Variants in ZNF670 observed in about 807,000 individuals in gnomAD.
ZNF670 encodes zinc finger protein 670.
A neutral mutation model predicts 10.9 loss-of-function variants in ZNF670; 7 were observed. The observed-to-expected ratio is 0.64, with a 90% CI of 0.36 to 1.20. The LOEUF (loss-of-function observed/expected upper bound fraction) is 1.20, where lower values mean the gene tolerates loss of function less well. Ranked by LOEUF, ZNF670 falls within the 50% of genes most tolerant of loss-of-function variation. The pLI is 0.02. For synonymous variants in ZNF670, 136 were observed against 152.7 expected, an observed-to-expected ratio of 0.89 and a Z score of 0.81; for missense variants, 446 against 458.6, an observed-to-expected ratio of 0.97 and a Z score of 0.25.
In ZNF670 at chr1:247,035,603, T is replaced by C. The variant is rs1279102312; in HGVS notation, c.*1846A>G. On this transcript the variant is annotated 3_prime_UTR_variant, in exon 4 of 4. Transcript: ENST00000366503. Reference sequence around the variant, plus strand: ...CTAATTACACATAATATAAACTAGTTATGCATAATTCATAGTAACTTACAA... The same window carrying C: ...CTAATTACACATAATATAAACTAGTCATGCATAATTCATAGTAACTTACAA... 6.6e-6 allele frequency among the ~76,000 whole-genome samples: 1 copy of C among 152,202 alleles called. No individual in the cohort carries two copies. Among genetic ancestry groups the C allele is most frequent in the Non-Finnish European group, 1.5e-5 (1 of 68,038 alleles).
At chr1:247,056,012 T>C (rs1670706406) in intron 1 of ZNF670, among the ~76,000 whole-genome samples, 1 of 151,160 alleles carries the variant, frequency 6.6e-6, no homozygotes, top group African/African-American at 2.4e-5. Flanking sequence ...AGCACTCAGA[T>C]ATATAAAGCA....
chr1:247,054,508 A>G (rs1670672504), intron 1 of ZNF670, among the ~76,000 whole-genome samples: 1 of 152,220 alleles, frequency 6.6e-6, no homozygotes. Context: ...TGAGGCCCAC[A>G]TTTTAGGCCC....
At chr1:247,070,773 G>C (rs183334130) in intron 1 of ZNF670, among the ~76,000 whole-genome samples, 1 of 152,024 alleles carries the variant, frequency 6.6e-6, no homozygotes, top group Non-Finnish European at 1.5e-5. Context: ...TAAGAAACTT[G>C]AACTAATCAA....
chr1:247,038,854 G>T lies in ZNF670; in HGVS notation c.147C>A (p.Asp49Glu). ...TTTTGAAGTCATCTTGGATATTCTGGTCTTCTGATTTGTTTCCTAAAAGGT... is the reference window on the plus strand; with the variant it reads ...TTTTGAAGTCATCTTGGATATTCTGTTCTTCTGATTTGTTTCCTAAAAGGT... ...NLASVGNKSE[D>E]QNIQDDFKNP... Residue 49 changes from aspartate to glutamate, a missense_variant, in exon 3 of 4, where the codon GAC becomes GAA. By Grantham distance (45) the Asp-to-Glu change is conservative. Transcript: ENST00000366503. 1.9e-6 allele frequency: 3 copies of T among 1,612,026 alleles called. No individual in the cohort carries two copies. The highest frequency in any genetic ancestry group is 2.5e-6 in the Non-Finnish European group (3 of 1,179,004).
chr1:247,042,661 G>C (rs970992976), intron 1 of ZNF670: 1 of 272,358 alleles, frequency 3.7e-6, no homozygotes, highest in Non-Finnish European at 7.0e-6. Context: ...GTAGAAGAAA[G>C]TAAGTTTAGG....
chr1:247,042,460 T>C (rs1670337534), intron 1 of ZNF670, among the ~76,000 whole-genome samples: 1 of 152,214 alleles, frequency 6.6e-6, no homozygotes, highest in African/African-American at 2.4e-5. Context: ...GGTCAGGCCT[T>C]TCAAGGTGGT....
chr1:247,078,625 C>G lies in ZNF670; in HGVS notation c.-29G>C. The G allele has an allele frequency of 6.2e-7, 1 of 1,613,122 alleles. No individual in the cohort carries two copies. Among genetic ancestry groups the G allele is most frequent in the Middle Eastern group, 1.6e-4 (1 of 6,062 alleles). On this transcript the variant is annotated 5_prime_UTR_variant, in exon 1 of 4. Transcript: ENST00000366503. ...CCAGTCTCCGGTGTCTGGGGTCCTC[C>G]CTAAGGACCTTCCGGGACCTGCAGG...
intron 1 of ZNF670, among the ~76,000 whole-genome samples, chr1:247,066,280 T>C (rs1388062878): frequency 1.3e-5 from 2 of 152,032 alleles, no homozygotes; most frequent in Non-Finnish European, 2.9e-5. Flanking sequence ...CCAGGACTCA[T>C]TTCTGGCCCT....
intron 1 of ZNF670, among the ~76,000 whole-genome samples, chr1:247,069,795 A>G (rs1463926889): frequency 6.6e-6 from 1 of 152,214 alleles, no homozygotes; most frequent in Non-Finnish European, 1.5e-5. Context: ...AAAAATCAAA[A>G]CAACTGAACT....
At position 247,037,368 on chromosome 1, in the gene ZNF670, A is replaced by G; in HGVS notation, c.*81T>C. On this transcript the variant is annotated 3_prime_UTR_variant, in exon 4 of 4. Transcript: ENST00000366503. ...TCTAATTTGAGTTTTTAATTTTTTCACGTGTTCTAATGAAACTAGAATAAC... is the reference window on the plus strand; with the variant it reads ...TCTAATTTGAGTTTTTAATTTTTTCGCGTGTTCTAATGAAACTAGAATAAC... The G allele has an allele frequency of 1.4e-6, 2 of 1,465,696 alleles. No individual in the cohort carries two copies. The highest frequency in any genetic ancestry group is 2.3e-5 in the East Asian group (1 of 43,384). The allele number at this position is 1,465,696 out of a possible 1,614,324, so 90.8% of individuals were successfully genotyped here. A position where few individuals can be genotyped will look rare whatever the true frequency, so the allele number is the denominator to read the frequency against.
At chr1:247,039,631 A>T (rs1458393079) in intron 1 of ZNF670, 94 bp from the exon 2 acceptor site, 5 of 1,319,542 alleles carry the variant, frequency 3.8e-6, no homozygotes, top group Non-Finnish European at 4.9e-6. Flanking sequence ...ATAATTCTGC[A>T]GACTTCAAAC....
intron 1 of ZNF670, among the ~76,000 whole-genome samples, chr1:247,040,090 C>T (rs1412356937): frequency 1.3e-5 from 2 of 152,198 alleles, no homozygotes; most frequent in Admixed American, 6.5e-5. Flanking sequence ...TACTTTACTC[C>T]ATTCTTGCAG....
chr1:247,063,568 G>A (rs2380113), intron 1 of ZNF670, among the ~76,000 whole-genome samples: 45,862 of 139,216 alleles, frequency 0.33, 8,284 homozygotes, highest in African/African-American at 0.47. Flanking sequence ...GGGCGACAGA[G>A]CGAGACACCA....
In ZNF670 at chr1:247,072,853, T is replaced by TACACACACACAC. The variant is rs67112261; in HGVS notation, c.3+5729_3+5740dup. Among the ~76,000 whole-genome samples, 100 of 100,030 alleles carry TACACACACACAC rather than the reference T, an allele frequency of 1.0e-3. 1 individual carries two copies. Among genetic ancestry groups the TACACACACACAC allele is most frequent in the African/African-American group, 3.3e-3 (84 of 25,762 alleles). The allele number at this position is 100,030 out of a possible 152,430, so 65.6% of individuals were successfully genotyped here. On this transcript the variant is annotated intron_variant, in intron 1 of 3. Transcript: ENST00000366503. The stretch of plus-strand genomic sequence containing the variant: ...ATATATATATATGCATACACACACA[T>TACACACACACAC]ACACACACACACACAAACATCTTTT...
rs35582452 is a variant in ZNF670 at position 247,068,829 on chromosome 1, C to CAAAA, written c.3+9761_3+9764dup. Among the ~76,000 whole-genome samples the CAAAA allele has an allele frequency of 1.7e-3, 149 of 85,508 alleles. 1 individual carries two copies. Among genetic ancestry groups the CAAAA allele is most frequent in the African/African-American group, 2.5e-3 (53 of 21,556 alleles). The allele number at this position is 85,508 out of a possible 152,430, so 56.1% of individuals were successfully genotyped here. A position where few individuals can be genotyped will look rare whatever the true frequency, so the allele number is the denominator to read the frequency against. On this transcript the variant is annotated intron_variant, in intron 1 of 3. Coordinates refer to ENST00000366503, the MANE Select transcript of ZNF670 (RefSeq NM_033213.5). Reference sequence around the variant, plus strand: ...TACACACACTGGGGTACTATTTTGCCAAAAAAAAAAAAAAAAAAAAGAATG... The same window carrying CAAAA: ...TACACACACTGGGGTACTATTTTGCCAAAAAAAAAAAAAAAAAAAAAAAAGAATG...
chr1:247,069,302 T>C (rs1156450121), intron 1 of ZNF670, among the ~76,000 whole-genome samples: 1 of 150,930 alleles, frequency 6.6e-6, no homozygotes, highest in East Asian at 1.9e-4. Flanking sequence ...ATATACACCT[T>C]GTATGTCCCC....
chr1:247,050,541 T>C (rs1471421361), intron 1 of ZNF670, among the ~76,000 whole-genome samples: 1 of 151,398 alleles, frequency 6.6e-6, no homozygotes, highest in Admixed American at 6.6e-5. Flanking sequence ...AGTGGCACCA[T>C]CTCAGCTCAC....
intron 1 of ZNF670, among the ~76,000 whole-genome samples, chr1:247,041,787 C>T (rs780776473): frequency 2.8e-4 from 43 of 152,230 alleles, no homozygotes; most frequent in Non-Finnish European, 5.7e-4. Flanking sequence ...TCCACAGCCT[C>T]AGGCACTAGC....
At chr1:247,038,705 A>C in intron 3 of ZNF670, 105 bp downstream of exon 3, 1 of 1,062,590 alleles carries the variant, frequency 9.4e-7, no homozygotes, top group Non-Finnish European at 1.4e-6. Flanking sequence ...CTTTTCTGGA[A>C]AAAAAAAATT....
Sources: gnomAD v4.1 joint callset for allele counts (sites outside exome capture counted in the v4.1 genomes callset) on GRCh38, gnomAD v4.1.1 for gene constraint, MANE v1.5 for transcripts, NCBI Gene and HGNC (gene_info 2026-07-23, HGNC 2026-07-21) for gene names.